The following TATDN1 variants were observed in gnomAD, a reference collection of about 807,000 sequenced individuals.
The protein encoded by TATDN1 is deoxyribonuclease TATDN1.
TATDN1 carries 40 observed loss-of-function variants against 46.4 expected under a neutral mutation model. The observed-to-expected ratio is 0.86, with a 90% confidence interval of 0.67 to 1.12. The LOEUF is 1.12. TATDN1 is among the 50% of genes most tolerant of loss of function. The pLI is 0.00. For synonymous variants in TATDN1, 95 were observed against 105.6 expected (o/e 0.90, Z 0.62); for missense variants, 326 against 348.4 (o/e 0.94, Z 0.51).
intron 4 of TATDN1, 32 bp downstream of exon 4, chr8:124,518,785 AT>A (rs753235518): frequency 9.1e-3 from 11,287 of 1,241,740 alleles, no homozygotes; most frequent in South Asian, 0.01. Flanking sequence ...TACTTAATTC[AT>A]TTTTTTTTTG....
chr8:124,513,420 C>T (rs924361206), intron 6 of TATDN1, among the ~76,000 whole-genome samples: 1 of 152,208 alleles, frequency 6.6e-6, no homozygotes, highest in Admixed American at 6.5e-5. Flanking sequence ...GCACTTCCAA[C>T]CTATTTTAAT....
At chr8:124,498,050 A>G (rs916643159) in intron 9 of TATDN1, among the ~76,000 whole-genome samples, 5 of 150,532 alleles carry the variant, frequency 3.3e-5, no homozygotes, top group Admixed American at 6.6e-5. Flanking sequence ...AAATCCCACT[A>G]TGTTGGGTCG....
chr8:124,512,357 G>A (rs113701174), intron 6 of TATDN1, among the ~76,000 whole-genome samples: 1,540 of 152,236 alleles, frequency 0.01, 13 homozygotes, highest in Non-Finnish European at 0.016. Context: ...CCTGGGAGGT[G>A]GAGGTTGCAG....
intron 10 of TATDN1, 53 bp from the exon 11 acceptor site, chr8:124,494,012 T>G (rs1817247459): frequency 3.3e-6 from 5 of 1,513,980 alleles, no homozygotes; most frequent in Non-Finnish European, 4.4e-6. Context: ...TAAAAATTTT[T>G]TATGACCATT....
chr8:124,516,056 TA>T, intron 4 of TATDN1, 26 bp from the exon 5 acceptor site: 1 of 1,552,746 alleles, frequency 6.4e-7, no homozygotes, highest in Non-Finnish European at 8.7e-7. Context: ...GTCTTAGGAT[TA>T]TTTTCAAAGT....
Position 124,539,018 on chromosome 8 carries a change from C to G in TATDN1, c.22+7G>C. ...AGACCCAAGGGCGTGGAAAACGCTC[C>G]TCTTACCGATAAACTTGAAGCGACT... On this transcript the variant is annotated splice_region_variant and intron_variant, in intron 1 of 11. Coordinates refer to ENST00000276692, the MANE Select transcript of TATDN1 (RefSeq NM_032026.4). 1 of 1,614,172 alleles carries G rather than the reference C, an allele frequency of 6.2e-7. No homozygotes were observed. The highest frequency in any genetic ancestry group is 8.5e-7 in the Non-Finnish European group (1 of 1,180,014).
At chr8:124,491,997 G>C (rs1399042508) in intron 11 of TATDN1, among the ~76,000 whole-genome samples, 1 of 133,544 alleles carries the variant, frequency 7.5e-6, no homozygotes, top group African/African-American at 2.8e-5. Context: ...TTTTTGAGAT[G>C]TATTTTCACT....
chr8:124,488,750 T>G, intron 11 of TATDN1, 54 bp from the exon 12 acceptor site: 1 of 1,006,278 alleles, frequency 9.9e-7, no homozygotes, highest in Non-Finnish European at 1.6e-6. Flanking sequence ...CATTTAGTTC[T>G]AAAGCTATAT....
At chr8:124,490,976 G>T (rs986797330) in intron 11 of TATDN1, 10 of 152,030 alleles carry the variant, frequency 6.6e-5, no homozygotes, top group African/African-American at 1.9e-4. Flanking sequence ...TAGAGACAGG[G>T]TTTCTCCACG....
At chr8:124,520,466 T>C (rs1039190838) in intron 3 of TATDN1, among the ~76,000 whole-genome samples, 10 of 151,286 alleles carry the variant, frequency 6.6e-5, no homozygotes, top group African/African-American at 1.7e-4. Flanking sequence ...AATAAAAATA[T>C]TGGGAAAACT....
chr8:124,500,570 G>GGTGATAGGAGCTTGTGGTCTCA (rs968369163), intron 9 of TATDN1, among the ~76,000 whole-genome samples: 2 of 152,014 alleles, frequency 1.3e-5, no homozygotes, highest in African/African-American at 4.8e-5. Flanking sequence ...AGCCAAGCAT[G>GGTGATAGGAGCTTGTGGTCTCA]GTGATAGGAG....
intron 1 of TATDN1, among the ~76,000 whole-genome samples, chr8:124,529,170 G>A (rs1586673156): frequency 1.3e-5 from 2 of 152,098 alleles, no homozygotes; most frequent in Admixed American, 6.5e-5. Flanking sequence ...TCTTTGTTTC[G>A]GGCTCAGTCT....
At chr8:124,538,511 T>C (rs1412663181) in intron 1 of TATDN1, 1 of 159,480 alleles carries the variant, frequency 6.3e-6, no homozygotes, top group Non-Finnish European at 1.4e-5. Flanking sequence ...TTGTGTTTTC[T>C]AGTTTCTCCA....
At chr8:124,510,294 T>C (rs926368927) in intron 6 of TATDN1, among the ~76,000 whole-genome samples, 1 of 152,162 alleles carries the variant, frequency 6.6e-6, no homozygotes, top group Non-Finnish European at 1.5e-5. Context: ...AAACCAAATG[T>C]CAGCAGTTAA....
intron 1 of TATDN1, among the ~76,000 whole-genome samples, chr8:124,527,076 G>A (rs1418253911): frequency 6.6e-6 from 1 of 152,194 alleles, no homozygotes; most frequent in Non-Finnish European, 1.5e-5. Flanking sequence ...GGGAAGCAGA[G>A]CCTTTGGCTG....
At chr8:124,525,386 C>T (rs1706336428) in intron 1 of TATDN1, among the ~76,000 whole-genome samples, 1 of 151,980 alleles carries the variant, frequency 6.6e-6, no homozygotes, top group African/African-American at 2.4e-5. Context: ...ACCTCAGGAG[C>T]TCCACCCACC....
intron 1 of TATDN1, among the ~76,000 whole-genome samples, chr8:124,527,933 G>A (rs538654357): frequency 6.6e-6 from 1 of 152,030 alleles, no homozygotes; most frequent in East Asian, 1.9e-4. Flanking sequence ...TAACTTGCCT[G>A]TAAGTTCTAC....
intron 8 of TATDN1, among the ~76,000 whole-genome samples, chr8:124,505,632 T>G (rs952835072): frequency 3.3e-5 from 5 of 151,174 alleles, no homozygotes; most frequent in African/African-American, 7.3e-5. Context: ...TTCAAAGATA[T>G]AGGGGTCAAG....
At chr8:124,531,076 C>T (rs551009813) in intron 1 of TATDN1, among the ~76,000 whole-genome samples, 68 of 152,240 alleles carry the variant, frequency 4.5e-4, no homozygotes, top group African/African-American at 1.5e-3. Context: ...TACTTGTCAT[C>T]ACCAAGCTGG....
Sources: allele counts gnomAD v4.1 joint callset (sites outside exome capture counted in the v4.1 genomes callset), GRCh38; gene constraint gnomAD v4.1.1; transcripts MANE v1.5; gene names NCBI Gene and HGNC (gene_info 2026-07-23, HGNC 2026-07-21).